The following CSMD1 variants were observed in gnomAD, a reference collection of about 807,000 sequenced individuals.
CSMD1 encodes CUB and sushi domain-containing protein 1.
Under a neutral mutation model 417.5 loss-of-function variants are expected in CSMD1, and 213 were observed. The observed-to-expected ratio is 0.51, with a 90% CI of 0.46 to 0.57. The LOEUF (loss-of-function observed/expected upper bound fraction) is 0.57. Ranked by LOEUF, CSMD1 falls within the 20% of genes least tolerant of loss-of-function variation. CSMD1 has a pLI of 0.00. For missense variants in CSMD1, 6,923 were observed against 4,529.7 expected, an observed-to-expected ratio of 1.53 and a Z score of -15.17; for synonymous variants, 2,862 against 1,736.8, an observed-to-expected ratio of 1.65 and a Z score of -16.11.
At chr8:4,080,172 T>G (rs1005663567) in intron 3 of CSMD1, among the ~76,000 whole-genome samples, 1 of 152,094 alleles carries the variant, frequency 6.6e-6, no homozygotes, top group African/African-American at 2.4e-5. Context: ...TGCATTTCTA[T>G]GAATCTTTAC....
At chr8:3,191,252 C>T (rs1045394947) in intron 33 of CSMD1, among the ~76,000 whole-genome samples, 5 of 151,984 alleles carry the variant, frequency 3.3e-5, no homozygotes, top group Middle Eastern at 3.2e-3. Context: ...GTCGAGAGTT[C>T]GTTTATCAGC....
intron 69 of CSMD1, 24 bp from the exon 70 acceptor site, chr8:2,938,768 A>T: frequency 6.3e-7 from 1 of 1,577,880 alleles, no homozygotes; most frequent in Non-Finnish European, 8.6e-7. Flanking sequence ...AAAACAAATC[A>T]TTAGAATCCT....
intron 3 of CSMD1, among the ~76,000 whole-genome samples, chr8:4,265,045 G>C (rs1804152422): frequency 6.6e-6 from 1 of 152,126 alleles, no homozygotes; most frequent in Non-Finnish European, 1.5e-5. Flanking sequence ...GCTGAGGTCA[G>C]ATTTGCCTTG....
intron 40 of CSMD1, among the ~76,000 whole-genome samples, chr8:3,147,806 T>C (rs1818931636): frequency 6.6e-6 from 1 of 152,208 alleles, no homozygotes; most frequent in African/African-American, 2.4e-5. Flanking sequence ...CCCAAACCTC[T>C]GAAAACCGAG....
intron 10 of CSMD1, among the ~76,000 whole-genome samples, chr8:3,562,398 G>A (rs1799506648): frequency 2.1e-5 from 3 of 145,006 alleles, no homozygotes; most frequent in Non-Finnish European, 4.5e-5. Context: ...GTACACACAT[G>A]CATACACACA....
chr8:3,258,501 T>C (rs1333997022), intron 26 of CSMD1, among the ~76,000 whole-genome samples: 2 of 152,300 alleles, frequency 1.3e-5, no homozygotes, highest in African/African-American at 4.8e-5. Context: ...TGTGCAAATG[T>C]AAATTAGTTC....
chr8:4,131,283 G>C (rs1274483488), intron 3 of CSMD1, among the ~76,000 whole-genome samples: 1 of 150,882 alleles, frequency 6.6e-6, no homozygotes, highest in African/African-American at 2.4e-5. Flanking sequence ...AACTGAAGAG[G>C]CTGAATCTAC....
intron 6 of CSMD1, among the ~76,000 whole-genome samples, chr8:3,723,447 T>C (rs568534065): frequency 6.4e-4 from 98 of 152,314 alleles, no homozygotes; most frequent in Non-Finnish European, 9.4e-4. Flanking sequence ...TCCAAGAGCA[T>C]AGATCATGGG....
At chr8:3,188,364 T>C (rs1218815975) in intron 35 of CSMD1, among the ~76,000 whole-genome samples, 2 of 125,554 alleles carry the variant, frequency 1.6e-5, no homozygotes, top group East Asian at 5.1e-4. Flanking sequence ...TTGAGTGCAA[T>C]GGTGCAATCT....
At chr8:4,640,599 C>T (rs1803128321) in intron 1 of CSMD1, among the ~76,000 whole-genome samples, 1 of 152,112 alleles carries the variant, frequency 6.6e-6, no homozygotes, top group Non-Finnish European at 1.5e-5. Context: ...AAACGATGTA[C>T]ATCTAAGCTT....
chr8:3,810,582 G>A (rs768709717), intron 5 of CSMD1, among the ~76,000 whole-genome samples: 2 of 152,248 alleles, frequency 1.3e-5, no homozygotes, highest in African/African-American at 4.8e-5. Flanking sequence ...GTTAGAAGGA[G>A]GCTTCTCCGA....
chr8:3,579,012 T>A (rs1323308563), intron 9 of CSMD1, among the ~76,000 whole-genome samples: 1 of 152,162 alleles, frequency 6.6e-6, no homozygotes, highest in African/African-American at 2.4e-5. Context: ...AAATATAACA[T>A]CTAATAGAGA....
At chr8:4,710,554 G>C (rs562131744) in intron 1 of CSMD1, among the ~76,000 whole-genome samples, 1 of 150,418 alleles carries the variant, frequency 6.6e-6, no homozygotes, top group African/African-American at 2.4e-5. Context: ...TATTTAAAAA[G>C]AAAAATGGCT....
At chr8:2,986,888 T>A (rs1805958333) in intron 54 of CSMD1, among the ~76,000 whole-genome samples, 1 of 152,140 alleles carries the variant, frequency 6.6e-6, no homozygotes, top group Non-Finnish European at 1.5e-5. Flanking sequence ...CAAAAGTAAT[T>A]GCGGTTTTTA....
intron 3 of CSMD1, among the ~76,000 whole-genome samples, chr8:4,235,086 G>A (rs773928013): frequency 5.3e-5 from 8 of 151,932 alleles, no homozygotes; most frequent in Non-Finnish European, 8.8e-5. Flanking sequence ...CCTTTCCAGG[G>A]GACTTCAAGA....
intron 3 of CSMD1, among the ~76,000 whole-genome samples, chr8:4,366,201 C>T (rs893102482): frequency 1.1e-4 from 16 of 152,114 alleles, no homozygotes; most frequent in African/African-American, 2.7e-4. Context: ...TGCATTGCTT[C>T]ACTTAGGATA....
chr8:3,068,949 T>C (rs1316026022), intron 49 of CSMD1, among the ~76,000 whole-genome samples: 3 of 152,122 alleles, frequency 2.0e-5, no homozygotes, highest in East Asian at 1.9e-4. Flanking sequence ...AATAAAATCA[T>C]GTCTTCCCAA....
intron 2 of CSMD1, among the ~76,000 whole-genome samples, chr8:4,548,570 T>C (rs1797732184): frequency 6.6e-6 from 1 of 152,216 alleles, no homozygotes; most frequent in Admixed American, 6.5e-5. Context: ...CAAGCTTTTC[T>C]TTTTAAATAT....
chr8:3,287,669 C>T (rs867038820), intron 25 of CSMD1, among the ~76,000 whole-genome samples: 2 of 152,158 alleles, frequency 1.3e-5, no homozygotes, highest in Admixed American at 1.3e-4. Flanking sequence ...TGAGACTTTG[C>T]TGAAGTTGCC....
Sources: allele counts gnomAD v4.1 joint callset (sites outside exome capture counted in the v4.1 genomes callset), GRCh38; gene constraint gnomAD v4.1.1; transcripts MANE v1.5; gene names NCBI Gene and HGNC (gene_info 2026-07-23, HGNC 2026-07-21).